The following CLSTN3 variants were observed in gnomAD, a reference collection of about 807,000 sequenced individuals.
CLSTN3 encodes calsyntenin 3, also known as calsyntenin-3.
In CLSTN3, 36 loss-of-function variants were observed where a neutral mutation model predicts 95.9. The ratio of observed to expected loss-of-function variants is 0.38; its 90% CI spans 0.29 to 0.50. The LOEUF (loss-of-function observed/expected upper bound fraction) is 0.50. CLSTN3 is among the 20% of genes least tolerant of loss of function. CLSTN3 has a pLI of 0.95. For synonymous variants in CLSTN3, 481 were observed against 504.0 expected, an observed-to-expected ratio of 0.95 and a Z score of 0.61; for missense variants, 1,084 against 1,268.8, an observed-to-expected ratio of 0.85 and a Z score of 2.21.
At position 7,137,444 on chromosome 12, in the gene CLSTN3, T is replaced by C. The variant is rs1052079614; in HGVS notation, c.1210+334T>C. On this transcript the variant is annotated intron_variant, in intron 7 of 17. Coordinates refer to ENST00000266546, the MANE Select transcript of CLSTN3 (RefSeq NM_014718.4). This position sits in a 1 kb window ranked among gnomAD's most constrained non-coding sequence, Gnocchi z 4.4. ...CATTGCAATGGGAAAGCCTGGGTAA[T>C]GGTGTGCCCCATTCTTTCATCATCC... The C allele has an allele frequency of 1.2e-5, 4 of 325,940 alleles. No homozygotes were observed. The East Asian group carries it at 2.6e-4, about 21-fold the overall frequency. The allele number at this position is 325,940 out of a possible 1,614,324, so 20.2% of individuals were successfully genotyped here. A position where few individuals can be genotyped will look rare whatever the true frequency, so the allele number is the denominator to read the frequency against.
intron 12 of CLSTN3, among the ~76,000 whole-genome samples, chr12:7,148,156 A>AAAGG (rs1555168992): frequency 7.4e-6 from 1 of 135,404 alleles, no homozygotes; most frequent in South Asian, 2.4e-4. Context: ...AACTCCATCA[A>AAAGG]AAAGAAAGAA....
chr12:7,139,647 ATTATTATTAT>A (rs1939492293), intron 8 of CLSTN3, among the ~76,000 whole-genome samples: 1 of 87,500 alleles, frequency 1.1e-5, no homozygotes, highest in African/African-American at 3.8e-5. Context: ...TATTATTATT[ATTATTATTAT>A]TTTTTTTTTT....
chr12:7,144,751 G>T (rs1939593945), intron 12 of CLSTN3, among the ~76,000 whole-genome samples: 1 of 152,184 alleles, frequency 6.6e-6, no homozygotes, highest in Non-Finnish European at 1.5e-5. Flanking sequence ...ATCCTGGGAG[G>T]GGTGGGTTTA....
In CLSTN3 at chr12:7,133,293, C is replaced by T; in HGVS notation, c.187+147C>T. The T allele has an allele frequency of 1.9e-6, 2 of 1,046,504 alleles. No homozygotes were observed. The highest frequency in any genetic ancestry group is 2.8e-6 in the Non-Finnish European group (2 of 722,666). The allele number at this position is 1,046,504 out of a possible 1,614,324, so 64.8% of individuals were successfully genotyped here. A position where few individuals can be genotyped will look rare whatever the true frequency, so the allele number is the denominator to read the frequency against. On this transcript the variant is annotated intron_variant, in intron 2 of 17. Transcript: ENST00000266546. This position sits in a 1 kb window ranked among gnomAD's most constrained non-coding sequence, Gnocchi z 4.7. ...GGCTCAAGGAGGGGAATGGTCTCCA[C>T]TGAAGAATGGAGATTGAGTCAAGGA...
chr12:7,136,115 A>G, intron 5 of CLSTN3, 91 bp from the exon 6 acceptor site: 2 of 1,521,930 alleles, frequency 1.3e-6, no homozygotes, highest in Non-Finnish European at 1.8e-6. Flanking sequence ...GGAGCCCCAA[A>G]CTGTCCATGG....
In CLSTN3 at chr12:7,137,898, G is replaced by T; in HGVS notation, c.1211-57G>T. ...AACATCCTCTCCTTCCTGCTGCTTT[G>T]AACTTGTTCTGGCCTCAGCCTCTGC... On this transcript the variant is annotated intron_variant, in intron 7 of 17. Transcript: ENST00000266546. This position sits in a 1 kb window ranked among gnomAD's most constrained non-coding sequence, Gnocchi z 4.4. 1 of 1,278,824 alleles carries T rather than the reference G, an allele frequency of 7.8e-7. No homozygotes were observed. The highest frequency in any genetic ancestry group is 1.2e-5 in the South Asian group (1 of 82,728). 79.2% of individuals were successfully genotyped at this position (1,278,824 alleles called of 1,614,324 possible).
At chr12:7,155,640 G>A (rs1054690292) in intron 16 of CLSTN3, among the ~76,000 whole-genome samples, 6 of 152,264 alleles carry the variant, frequency 3.9e-5, no homozygotes, top group Non-Finnish European at 5.9e-5. Context: ...GGGCAGGAGA[G>A]ACAGCTCTGT....
intron 1 of CLSTN3, chr12:7,132,658 A>G: frequency 1.8e-6 from 1 of 547,050 alleles, no homozygotes; most frequent in Non-Finnish European, 3.3e-6. Context: ...CTCACAGCCC[A>G]CCACTGCTCC....
intron 12 of CLSTN3, among the ~76,000 whole-genome samples, chr12:7,147,638 C>A (rs976401770): frequency 6.6e-6 from 1 of 151,530 alleles, no homozygotes; most frequent in Admixed American, 6.6e-5. Flanking sequence ...CCTCAGCCTC[C>A]TGAGTAGCTG....
At position 7,146,329 on chromosome 12, in the gene CLSTN3, G is replaced by T. The variant is rs778078982; in HGVS notation, c.1848-2643G>T. Among the ~76,000 whole-genome samples, 3 of 152,204 alleles carry T rather than the reference G, an allele frequency of 2.0e-5. No homozygotes were observed. In the South Asian group the frequency reaches 6.2e-4, roughly 32 times the overall value. The stretch of plus-strand genomic sequence containing the variant: ...GTGGGAGAATCACTTGAGCCCAGGA[G>T]TTCGAGGCTGCAGTGAGTCATGATT... On this transcript the variant is annotated intron_variant, in intron 12 of 17. Transcript: ENST00000266546.
chr12:7,137,393 C>G lies in CLSTN3; in HGVS notation c.1210+283C>G. ...CATGTGGTAGGCTGTCCCCACCCCC[C>G]ATCTCCACCTCCATTAAAGCCCCTC... On this transcript the variant is annotated intron_variant, in intron 7 of 17. Coordinates refer to ENST00000266546, the MANE Select transcript of CLSTN3 (RefSeq NM_014718.4). The surrounding 1 kb of genome is among the most constrained non-coding windows in gnomAD (Gnocchi z 4.4). 2.4e-6 allele frequency: 1 copy of G among 423,736 alleles called. No homozygotes were observed. Among genetic ancestry groups the G allele is most frequent in the South Asian group, 2.9e-5 (1 of 34,774 alleles). 26.2% of individuals were successfully genotyped at this position (423,736 alleles called of 1,614,324 possible). A position where few individuals can be genotyped will look rare whatever the true frequency, so the allele number is the denominator to read the frequency against.
Position 7,130,510 on chromosome 12 carries a change from G to A in CLSTN3, c.-139G>A, listed in dbSNP as rs1939275493. The A allele has an allele frequency of 1.3e-6, 2 of 1,536,344 alleles. No individual in the cohort carries two copies. The highest frequency in any genetic ancestry group is 2.0e-5 in the Admixed American group (1 of 50,850). ...GCCCGCTTTATGGACTAGTGTGGGCGGCAGGCTCCTTTCCGTCCCTGCCCT... is the reference window on the plus strand; with the variant it reads ...GCCCGCTTTATGGACTAGTGTGGGCAGCAGGCTCCTTTCCGTCCCTGCCCT... On this transcript the variant is annotated 5_prime_UTR_variant, in exon 1 of 18. Coordinates refer to ENST00000266546, the MANE Select transcript of CLSTN3 (RefSeq NM_014718.4).
rs1939289008 is a variant in CLSTN3 at position 7,131,007 on chromosome 12, C to G, written c.64+295C>G. On this transcript the variant is annotated intron_variant, in intron 1 of 17. Transcript: ENST00000266546. ...CTCTATTCTCCCCTTCCCCTAATTT[C>G]TACACGCTGGTGGCTACCTCGGGTC... 8 of 519,086 alleles carry G rather than the reference C, an allele frequency of 1.5e-5. No individual in the cohort carries two copies. In the South Asian group the frequency reaches 1.7e-4, roughly 11 times the overall value. The allele number at this position is 519,086 out of a possible 1,614,324, so 32.2% of individuals were successfully genotyped here. A position where few individuals can be genotyped will look rare whatever the true frequency, so the allele number is the denominator to read the frequency against.
rs760785319 is a variant in CLSTN3 at position 7,141,924 on chromosome 12, G to GGCTGA, written c.1487-155_1487-151dup. On this transcript the variant is annotated intron_variant, in intron 9 of 17. Transcript: ENST00000266546. The surrounding 1 kb of genome is among the most constrained non-coding windows in gnomAD (Gnocchi z 4.1). ...TGGAACATGACAAAAGAAGGGTTGG[G>GGCTGA]GCTGAGCTGAGAGGTTGCAAGTTAT... Among the ~76,000 whole-genome samples the GGCTGA allele has an allele frequency of 3.3e-5, 5 of 152,158 alleles. No homozygotes were observed. The highest frequency in any genetic ancestry group is 7.3e-5 in the Non-Finnish European group (5 of 68,028).
chr12:7,131,017 G>A (rs754385570), intron 1 of CLSTN3: 30 of 501,036 alleles, frequency 6.0e-5, no homozygotes, highest in South Asian at 8.3e-5. Context: ...CTACACGCTG[G>A]TGGCTACCTC....
intron 12 of CLSTN3, among the ~76,000 whole-genome samples, chr12:7,148,680 T>C (rs921203482): frequency 6.6e-6 from 1 of 152,228 alleles, no homozygotes; most frequent in African/African-American, 2.4e-5. Context: ...CTATAGGTAC[T>C]CCATAATCCT....
At chr12:7,139,458 A>G (rs771280287) in intron 8 of CLSTN3, among the ~76,000 whole-genome samples, 11 of 152,292 alleles carry the variant, frequency 7.2e-5, no homozygotes. Context: ...AAAGAGGGCC[A>G]GTGCGGTTGG....
chr12:7,141,201 G>A lies in CLSTN3; in HGVS notation c.1324-41G>A, dbSNP rs759671476. On this transcript the variant is annotated intron_variant, in intron 8 of 17. Transcript: ENST00000266546. The surrounding 1 kb of genome is among the most constrained non-coding windows in gnomAD (Gnocchi z 4.1). ...TGCCTAGGGTTAGCTCTCTGAAGAC[G>A]AATTACCTGAGAGGCTCTTGCCCCT... 18 of 1,596,360 alleles carry A rather than the reference G, an allele frequency of 1.1e-5. No individual in the cohort carries two copies. The African/African-American group carries it at 2.0e-4, about 18-fold the overall frequency.
chr12:7,155,501 C>T (rs140162116), intron 16 of CLSTN3, among the ~76,000 whole-genome samples: 1 of 152,242 alleles, frequency 6.6e-6, no homozygotes, highest in African/African-American at 2.4e-5. Context: ...TTGGCCTCCA[C>T]TCTGAGGGTG....
Sources: allele counts gnomAD v4.1 joint callset (sites outside exome capture counted in the v4.1 genomes callset), GRCh38; gene constraint gnomAD v4.1.1; non-coding constraint Gnocchi (gnomAD v3.1); transcripts MANE v1.5; gene names NCBI Gene and HGNC (gene_info 2026-07-23, HGNC 2026-07-21).